ATRNL1: variants seen among roughly 807,000 people sequenced by gnomAD.
ATRNL1 encodes attractin like 1, also known as attractin-like protein 1.
In ATRNL1, 95 loss-of-function variants were observed where a neutral mutation model predicts 182.7. The observed-to-expected ratio is 0.52, with a 90% CI of 0.44 to 0.62. The LOEUF is 0.62. ATRNL1 is among the 20% of genes least tolerant of loss of function. The pLI, the probability that ATRNL1 is intolerant of heterozygous loss-of-function variation, is 0.00. For missense variants in ATRNL1, 1,471 were observed against 1,679.5 expected (o/e 0.88, Z 2.17); for synonymous variants, 576 against 568.3 (o/e 1.01, Z -0.19).
chr10:115,869,352 T>C (rs782267860), intron 28 of ATRNL1, among the ~76,000 whole-genome samples: 16 of 152,314 alleles, frequency 1.1e-4, no homozygotes, highest in Middle Eastern at 3.4e-3. Context: ...GCTTTGACTC[T>C]GTTCTCATCT....
At chr10:115,898,634 C>T (rs1490509030) in intron 28 of ATRNL1, among the ~76,000 whole-genome samples, 3 of 152,160 alleles carry the variant, frequency 2.0e-5, no homozygotes, top group Admixed American at 6.5e-5. Flanking sequence ...ACCTTAAGGC[C>T]ATAACAGGTC....
intron 20 of ATRNL1, among the ~76,000 whole-genome samples, chr10:115,415,253 T>C (rs78924732): frequency 0.013 from 1,915 of 152,194 alleles, 36 homozygotes; most frequent in African/African-American, 0.043. Flanking sequence ...ATAATTTGTG[T>C]AGTTTTAATT....
At chr10:115,386,876 C>G (rs1233715637) in intron 19 of ATRNL1, among the ~76,000 whole-genome samples, 3 of 138,368 alleles carry the variant, frequency 2.2e-5, no homozygotes, top group Non-Finnish European at 1.5e-5. Flanking sequence ...CATGTGTTCT[C>G]ATTGTTCAAT....
chr10:115,812,746 G>A (rs1555087399), intron 27 of ATRNL1, among the ~76,000 whole-genome samples: 1 of 151,856 alleles, frequency 6.6e-6, no homozygotes, highest in African/African-American at 2.4e-5. Flanking sequence ...CAAAGTGCTG[G>A]GATTAGGGGC....
intron 27 of ATRNL1, among the ~76,000 whole-genome samples, chr10:115,755,240 C>A (rs1948555521): frequency 6.6e-6 from 1 of 152,116 alleles, no homozygotes; most frequent in Admixed American, 6.6e-5. Flanking sequence ...GCATCCTTTT[C>A]TTGTGCTGGT....
chr10:115,430,573 G>A lies in ATRNL1; in HGVS notation c.3322+4271G>A, dbSNP rs147426988. Among the ~76,000 whole-genome samples the A allele has an allele frequency of 1.1e-3, 173 of 152,136 alleles. 1 individual carries two copies. In the East Asian group the frequency reaches 0.012, roughly 10 times the overall value. On this transcript the variant is annotated intron_variant, in intron 21 of 28. Transcript: ENST00000355044. ...TTATATAGGTAAATTGCATGTTGTGGGGGTTTGGTATACAGATTATTTCAT... is the reference window on the plus strand; with the variant it reads ...TTATATAGGTAAATTGCATGTTGTGAGGGTTTGGTATACAGATTATTTCAT...
At chr10:115,195,984 G>A (rs566903732) in intron 8 of ATRNL1, among the ~76,000 whole-genome samples, 32 of 152,056 alleles carry the variant, frequency 2.1e-4, no homozygotes, top group African/African-American at 7.5e-4. Context: ...TATATTGTGC[G>A]AAGTAAGGGC....
At chr10:115,790,465 G>A (rs1419491628) in intron 27 of ATRNL1, among the ~76,000 whole-genome samples, 4 of 151,920 alleles carry the variant, frequency 2.6e-5, no homozygotes, top group African/African-American at 7.3e-5. Context: ...TTTCTGTTAC[G>A]ATTGAATTTT....
At chr10:115,856,087 A>T (rs1308186584) in intron 28 of ATRNL1, among the ~76,000 whole-genome samples, 1 of 152,178 alleles carries the variant, frequency 6.6e-6, no homozygotes. Flanking sequence ...CTCACAAAAG[A>T]TAACTGGCAA....
chr10:115,681,092 A>C (rs1051233537), intron 26 of ATRNL1, among the ~76,000 whole-genome samples: 5 of 152,144 alleles, frequency 3.3e-5, no homozygotes, highest in African/African-American at 1.2e-4. Context: ...CTCTTTCCAG[A>C]CATGTGGAAT....
intron 28 of ATRNL1, among the ~76,000 whole-genome samples, chr10:115,897,952 G>C (rs1294615025): frequency 1.3e-5 from 2 of 150,932 alleles, no homozygotes; most frequent in African/African-American, 4.9e-5. Context: ...TTTGAGACAG[G>C]GTCTCACTCT....
intron 27 of ATRNL1, among the ~76,000 whole-genome samples, chr10:115,776,265 A>G (rs530788167): frequency 6.6e-6 from 1 of 152,196 alleles, no homozygotes; most frequent in Non-Finnish European, 1.5e-5. Flanking sequence ...TATAAAGCGT[A>G]TGTTAATCTG....
At chr10:115,844,558 T>C (rs1438656158) in intron 27 of ATRNL1, among the ~76,000 whole-genome samples, 1 of 152,056 alleles carries the variant, frequency 6.6e-6, no homozygotes, top group Non-Finnish European at 1.5e-5. Context: ...AAGCATTTAA[T>C]ATAGAATTTT....
At chr10:115,405,080 GA>G (rs1323243838) in intron 20 of ATRNL1, among the ~76,000 whole-genome samples, 3 of 152,026 alleles carry the variant, frequency 2.0e-5, no homozygotes, top group Non-Finnish European at 4.4e-5. Context: ...GAAGAAATTA[GA>G]AAAAGAAACA....
intron 26 of ATRNL1, among the ~76,000 whole-genome samples, chr10:115,636,874 T>C (rs564322880): frequency 1.3e-5 from 2 of 152,268 alleles, no homozygotes; most frequent in South Asian, 4.2e-4. Flanking sequence ...TATTTGCTAA[T>C]AAAAAGGAAT....
At chr10:115,787,211 C>T (rs888158433) in intron 27 of ATRNL1, among the ~76,000 whole-genome samples, 1 of 151,998 alleles carries the variant, frequency 6.6e-6, no homozygotes, top group African/African-American at 2.4e-5. Flanking sequence ...TAGTCTTGTA[C>T]CTTGTTTGTG....
At chr10:115,745,425 A>G (rs1948263586) in intron 27 of ATRNL1, among the ~76,000 whole-genome samples, 1 of 152,162 alleles carries the variant, frequency 6.6e-6, no homozygotes, top group Non-Finnish European at 1.5e-5. Context: ...AAATAAAGCT[A>G]TCATTAATGT....
intron 27 of ATRNL1, among the ~76,000 whole-genome samples, chr10:115,799,530 A>G (rs556362881): frequency 3.9e-5 from 6 of 152,270 alleles, no homozygotes; most frequent in East Asian, 1.9e-4. Flanking sequence ...ACATTCACCA[A>G]TTAACGAAGA....
intron 1 of ATRNL1, among the ~76,000 whole-genome samples, chr10:115,095,149 A>C (rs1184935279): frequency 6.6e-6 from 1 of 152,214 alleles, no homozygotes; most frequent in Non-Finnish European, 1.5e-5. Flanking sequence ...ACAGTCATTA[A>C]GAAAGTCAGC....
Sources: gnomAD v4.1 joint callset for allele counts (sites outside exome capture counted in the v4.1 genomes callset) on GRCh38, gnomAD v4.1.1 for gene constraint, MANE v1.5 for transcripts, NCBI Gene and HGNC (gene_info 2026-07-23, HGNC 2026-07-21) for gene names.